Variants in ZNF880 observed in about 807,000 individuals in gnomAD.
ZNF880 encodes zinc finger protein 880, also known as zinc finger protein LOC400713.
Under a neutral mutation model 11.8 loss-of-function variants are expected in ZNF880, and 12 were observed. The ratio of observed to expected loss-of-function variants is 1.02; its 90% CI spans 0.65 to 1.65. ZNF880 has a LOEUF of 1.65. Ranked by LOEUF, ZNF880 falls within the 40% of genes most tolerant of loss-of-function variation. ZNF880 has a pLI of 0.00. For missense variants in ZNF880, 601 were observed against 673.9 expected, an observed-to-expected ratio of 0.89 and a Z score of 1.20; for synonymous variants, 210 against 232.4, an observed-to-expected ratio of 0.90 and a Z score of 0.88.
At chr19:52,370,521 G>A (rs2122339249) in intron 1 of ZNF880, 1 of 153,862 alleles carries the variant, frequency 6.5e-6, no homozygotes, top group Non-Finnish European at 1.5e-5. Context: ...TTATGGGCCG[G>A]GGCTGGAATT....
chr19:52,391,386 CAGAA>C, the ZNF880 span: 2 of 149,914 alleles, frequency 1.3e-5, no homozygotes, highest in Admixed American at 6.7e-5. Context: ...AAATATTGGG[CAGAA>C]AGAAGAATAA....
At chr19:52,367,006 A>G, upstream of ZNF880, 1 of 450,422 alleles carries the variant, frequency 2.2e-6, no homozygotes, top group Non-Finnish European at 3.9e-6. Context: ...AACTACCAGT[A>G]TAGCATATTC....
chr19:52,388,282 C>CTTTTTTTTTTTTTTTTTTTTTTT (rs68179783), downstream of ZNF880, among the ~76,000 whole-genome samples: 24 of 63,422 alleles, frequency 3.8e-4, 7 homozygotes, highest in African/African-American at 6.1e-4. Flanking sequence ...GCAATTTGAA[C>CTTTTTTTTTTTTTTTTTTTTTTT]TTTTTTTTTT....
In ZNF880 at chr19:52,384,498, C is replaced by T. The variant is rs528380938; in HGVS notation, c.918C>T (p.Asn306=). The change falls in exon 4 of 4, where the codon AAC becomes AAT. Residue 306 remains asparagine (N), a synonymous_variant. Coordinates refer to ENST00000422689, the MANE Select transcript of ZNF880 (RefSeq NM_001145434.2). ...YKCNECGKVF[N]RNAHLARHQK... is the part of the protein sequence containing the mutation. ...GTAATGAGTGTGGCAAGGTCTTCAA[C>T]AGAAATGCACACCTTGCACGACATC... 6.2e-7 allele frequency: 1 copy of T among 1,613,190 alleles called. No individual in the cohort carries two copies. The highest frequency in any genetic ancestry group is 2.2e-5 in the East Asian group (1 of 44,762).
At chr19:52,395,953 C>T in the ZNF880 span, among the ~76,000 whole-genome samples, 2 of 152,024 alleles carry the variant, frequency 1.3e-5, no homozygotes, top group African/African-American at 4.8e-5. Flanking sequence ...TCCAGATATC[C>T]CTTTTATTTT....
intron 1 of ZNF880, chr19:52,370,690 G>A (rs1743035304): frequency 6.6e-6 from 1 of 152,126 alleles, no homozygotes; most frequent in South Asian, 2.1e-4. Context: ...GTTTTTACAT[G>A]GTCTGACTTT....
chr19:52,381,241 C>A (rs1039830052), intron 3 of ZNF880, among the ~76,000 whole-genome samples: 1 of 152,198 alleles, frequency 6.6e-6, no homozygotes, highest in Non-Finnish European at 1.5e-5. Context: ...TGAGCCACTG[C>A]ATCCAGCCTC....
chr19:52,373,148 C>T lies in ZNF880; in HGVS notation c.50C>T (p.Pro17Leu), dbSNP rs978966654. 6 of 1,613,376 alleles carry T rather than the reference C, an allele frequency of 3.7e-6. No homozygotes were observed. Among genetic ancestry groups the T allele is most frequent in the Admixed American group, 3.3e-5 (2 of 59,982 alleles). ...LAFRDVAIEFPQEEWKCLDPA... is the reference protein window; with the variant it reads ...LAFRDVAIEFLQEEWKCLDPA... ...TTCAGGGACGTGGCCATAGAATTCC[C>T]TCAGGAGGAGTGGAAATGTCTGGAC... The change falls in exon 2 of 4, where the codon CCT becomes CTT. Residue 17 changes from proline to leucine, a missense_variant. Physicochemically the swap from Pro to Leu is moderately conservative, Grantham distance 98. Coordinates refer to ENST00000422689, the MANE Select transcript of ZNF880 (RefSeq NM_001145434.2).
chr19:52,371,133 C>A (rs537174684), intron 1 of ZNF880, among the ~76,000 whole-genome samples: 3 of 152,272 alleles, frequency 2.0e-5, no homozygotes, highest in African/African-American at 7.2e-5. Context: ...CGTCTTATAT[C>A]TTTTAACAGT....
Position 52,384,036 on chromosome 19 carries a change from T to C in ZNF880, c.456T>C (p.Ser152=), listed in dbSNP as rs1042549532. 1.9e-6 allele frequency: 3 copies of C among 1,556,848 alleles called. No homozygotes were observed. Among genetic ancestry groups the C allele is most frequent in the Non-Finnish European group, 1.7e-6 (2 of 1,150,034 alleles). The part of the protein sequence containing the change: ...LVSPLQKIYS[S]VKSHILNKYR... Reference sequence around the variant, plus strand: ...CACCACTTCAAAAAATTTATTCTAGTGTCAAATCCCACATTTTAAATAAAT... The same window carrying C: ...CACCACTTCAAAAAATTTATTCTAGCGTCAAATCCCACATTTTAAATAAAT... The change falls in exon 4 of 4, where the codon AGT becomes AGC. Residue 152 remains serine (S), a synonymous_variant. Transcript: ENST00000422689.
At chr19:52,392,475 AT>A in the ZNF880 span, among the ~76,000 whole-genome samples, 2 of 152,112 alleles carry the variant, frequency 1.3e-5, no homozygotes, top group African/African-American at 4.8e-5. Context: ...TAATTTTTAT[AT>A]TTTTAGTAGA....
At chr19:52,376,667 G>A (rs1166335816) in intron 3 of ZNF880, among the ~76,000 whole-genome samples, 1 of 151,754 alleles carries the variant, frequency 6.6e-6, no homozygotes, top group African/African-American at 2.4e-5. Flanking sequence ...CCACTGCCAA[G>A]CCCAGCTAAT....
chr19:52,388,786 T>C (rs1183989565), downstream of ZNF880: 3 of 152,120 alleles, frequency 2.0e-5, no homozygotes, highest in African/African-American at 4.8e-5. Flanking sequence ...GCCTGGGATG[T>C]TGTATTAGTC....
At chr19:52,369,362 C>CAAA (rs57601492), upstream of ZNF880, among the ~76,000 whole-genome samples, 2 of 112,442 alleles carry the variant, frequency 1.8e-5, no homozygotes, top group Admixed American at 9.6e-5. Flanking sequence ...ACTCTGTCTC[C>CAAA]AAAAAAAAAA....
At chr19:52,393,319 C>T in the ZNF880 span, among the ~76,000 whole-genome samples, 12 of 151,054 alleles carry the variant, frequency 7.9e-5, no homozygotes, top group Admixed American at 1.3e-4. Context: ...TTGATCTGCC[C>T]GCCTCAGCCT....
rs191209878 is a variant in ZNF880 at position 52,384,396 on chromosome 19, G to A, written c.816G>A (p.Glu272=). Residue 272 remains glutamate (E), a synonymous_variant, in exon 4 of 4, where the codon GAG becomes GAA. Transcript: ENST00000422689. ...HTGEKPYKCH[E]CGKVFTQNSH... ...GAGAGAAACCTTACAAATGTCATGA[G>A]TGTGGCAAAGTCTTCACTCAAAATT... The A allele has an allele frequency of 5.8e-4, 868 of 1,492,458 alleles. 3 individuals carry two copies. The highest frequency in any genetic ancestry group is 3.6e-4 in the Admixed American group (19 of 53,084). 92.5% of individuals were successfully genotyped at this position (1,492,458 alleles called of 1,614,324 possible).
At chr19:52,374,268 T>G (rs1456162564) in intron 2 of ZNF880, 31 bp from the exon 3 acceptor site, 9 of 1,587,142 alleles carry the variant, frequency 5.7e-6, no homozygotes, top group Non-Finnish European at 7.7e-6. Context: ...TTAGCCAGGA[T>G]AGTCTTGATA....
chr19:52,392,304 T>TCTC, the ZNF880 span, among the ~76,000 whole-genome samples: 3 of 125,398 alleles, frequency 2.4e-5, no homozygotes, highest in African/African-American at 9.5e-5. Flanking sequence ...CTCTCTCTCT[T>TCTC]TCTTTTCTTT....
At position 52,384,970 on chromosome 19, in the gene ZNF880, T is replaced by C; in HGVS notation, c.1390T>C (p.Tyr464His). Reference sequence around the variant, plus strand: ...GAGATTTCATACTGGAGAGAAACCTTACAGATGTGATGAATGTGGCAAGGA... The same window carrying C: ...GAGATTTCATACTGGAGAGAAACCTCACAGATGTGATGAATGTGGCAAGGA... ...HQRFHTGEKP[Y>H]RCDECGKDFT... Residue 464 changes from tyrosine (Y) to histidine (H), a missense_variant, in exon 4 of 4, where the codon TAC becomes CAC. This residue lies in a region of ZNF880 where 177 missense variants were observed against 214.5 expected (regional missense o/e 0.83). Transcript: ENST00000422689. The C allele has an allele frequency of 1.3e-6, 2 of 1,569,292 alleles. No homozygotes were observed. Among genetic ancestry groups the C allele is most frequent in the South Asian group, 2.3e-5 (2 of 85,918 alleles).
Sources: gnomAD v4.1 joint callset for allele counts (sites outside exome capture counted in the v4.1 genomes callset) on GRCh38, gnomAD v4.1.1 for gene constraint, gnomAD v4.1.1 regional missense constraint, MANE v1.5 for transcripts, NCBI Gene and HGNC (gene_info 2026-07-23, HGNC 2026-07-21) for gene names.